The following USH2A variants were observed in gnomAD, a reference collection of about 807,000 sequenced individuals.
USH2A encodes the protein Usher syndrome 2A (autosomal recessive, mild).
USH2A carries 443 observed loss-of-function variants against 538.9 expected under a neutral mutation model. The observed-to-expected ratio is 0.82, with a 90% CI of 0.76 to 0.89. The LOEUF (loss-of-function observed/expected upper bound fraction) is 0.89. Ranked by LOEUF, USH2A falls within the 40% of genes least tolerant of loss-of-function variation. The pLI, the probability that USH2A is intolerant of heterozygous loss-of-function variation, is 0.00. For missense variants in USH2A, 6,633 were observed against 6,324.8 expected (o/e 1.05, Z -1.65); for synonymous variants, 2,413 against 2,273.5 (o/e 1.06, Z -1.75).
intron 11 of USH2A, among the ~76,000 whole-genome samples, chr1:216,258,835 T>C (rs1201581799): frequency 6.6e-6 from 1 of 152,066 alleles, no homozygotes; most frequent in African/African-American, 2.4e-5. Context: ...CAAAAAGACA[T>C]TTGGACCTGA....
At chr1:216,018,127 G>A (rs1668760853) in intron 32 of USH2A, among the ~76,000 whole-genome samples, 1 of 151,980 alleles carries the variant, frequency 6.6e-6, no homozygotes, top group South Asian at 2.1e-4. Context: ...CTGTATTATT[G>A]GGTACATTCT....
At chr1:216,133,999 T>C (rs2033430465) in intron 21 of USH2A, among the ~76,000 whole-genome samples, 3 of 152,250 alleles carry the variant, frequency 2.0e-5, no homozygotes, top group South Asian at 4.1e-4. Context: ...GGATCTATCA[T>C]GTTGCTTCTA....
At chr1:215,978,871 G>A (rs1667682751) in intron 35 of USH2A, among the ~76,000 whole-genome samples, 1 of 152,190 alleles carries the variant, frequency 6.6e-6, no homozygotes, top group Admixed American at 6.5e-5. Context: ...TGCTTCTGGT[G>A]AGGAAAATGA....
At chr1:216,010,357 C>T (rs1240078004) in intron 32 of USH2A, among the ~76,000 whole-genome samples, 1 of 152,124 alleles carries the variant, frequency 6.6e-6, no homozygotes, top group South Asian at 2.1e-4. Context: ...CCCATCTGTG[C>T]CGGACCCCAC....
chr1:216,383,866 C>CTT (rs57494312), intron 3 of USH2A, among the ~76,000 whole-genome samples: 1,563 of 134,898 alleles, frequency 0.012, 45 homozygotes, highest in African/African-American at 0.042. Flanking sequence ...TTCTTTCTTT[C>CTT]TTTTTTTTTT....
chr1:216,283,653 C>CA (rs2036827836), intron 11 of USH2A, among the ~76,000 whole-genome samples: 1 of 152,008 alleles, frequency 6.6e-6, no homozygotes, highest in Non-Finnish European at 1.5e-5. Flanking sequence ...TCTCAAATCA[C>CA]AAAAAATTGT....
Position 215,779,969 on chromosome 1 carries a change from C to T in USH2A, c.10813G>A (p.Ala3605Thr). The T allele has an allele frequency of 1.2e-6, 2 of 1,614,154 alleles. No individual in the cohort carries two copies. Among genetic ancestry groups the T allele is most frequent in the Middle Eastern group, 1.6e-4 (1 of 6,062 alleles). ...PPSITALSAVALHLSWSVPEK... is the reference protein window; with the variant it reads ...PPSITALSAVTLHLSWSVPEK... ...GGGACACTCCAGCTCAGATGCAGAGCCACTGCACTTAGGGCTGTGATGCTT... is the reference window on the plus strand; with the variant it reads ...GGGACACTCCAGCTCAGATGCAGAGTCACTGCACTTAGGGCTGTGATGCTT... The change falls in exon 55 of 72, where the codon GCT becomes ACT. Residue 3605 changes from alanine to threonine, a missense_variant. Physicochemically the swap from Ala to Thr is moderately conservative, Grantham distance 58. Coordinates refer to ENST00000307340, the MANE Select transcript of USH2A (RefSeq NM_206933.4).
rs147826031 is a variant in USH2A at position 216,286,269 on chromosome 1, T to C, written c.1971+3011A>G. 4.2e-4 allele frequency among the ~76,000 whole-genome samples: 64 copies of C among 152,278 alleles called. No individual in the cohort carries two copies. In the East Asian group the frequency reaches 0.011, roughly 27 times the overall value. On this transcript the variant is annotated intron_variant, in intron 11 of 71. Transcript: ENST00000307340. ...TTCCCCCATTCTGTTCTAATGATAG[T>C]GAATTAGTTCTCATGAAATCTGATG...
At chr1:215,756,305 A>G (rs866448051) in intron 58 of USH2A, among the ~76,000 whole-genome samples, 1 of 152,180 alleles carries the variant, frequency 6.6e-6, no homozygotes, top group Non-Finnish European at 1.5e-5. Context: ...CATAGTCATA[A>G]AATAAAGATA....
chr1:215,870,788 G>T (rs1460036312), intron 43 of USH2A, among the ~76,000 whole-genome samples: 1 of 151,940 alleles, frequency 6.6e-6, no homozygotes, highest in East Asian at 1.9e-4. Context: ...TTCACTCTAT[G>T]TATACTGTTT....
At chr1:216,225,694 A>C (rs1272941695) in intron 14 of USH2A, among the ~76,000 whole-genome samples, 2 of 152,194 alleles carry the variant, frequency 1.3e-5, no homozygotes, top group African/African-American at 2.4e-5. Context: ...AGCCCCACTC[A>C]AACTTGGGAA....
At chr1:215,970,140 C>T (rs1558187857) in intron 36 of USH2A, among the ~76,000 whole-genome samples, 2 of 152,134 alleles carry the variant, frequency 1.3e-5, no homozygotes. Context: ...AAATACCATT[C>T]TTATGAAGCT....
chr1:215,792,483 A>G (rs1662008391), intron 50 of USH2A, among the ~76,000 whole-genome samples: 1 of 152,218 alleles, frequency 6.6e-6, no homozygotes, highest in Non-Finnish European at 1.5e-5. Context: ...TTGCACAGAT[A>G]AACTGTGACA....
At chr1:215,710,901 AAG>A (rs1659321747) in intron 61 of USH2A, among the ~76,000 whole-genome samples, 1 of 152,068 alleles carries the variant, frequency 6.6e-6, no homozygotes, top group Non-Finnish European at 1.5e-5. Flanking sequence ...AATAAGAAAT[AAG>A]AAATTTCTTA....
intron 3 of USH2A, among the ~76,000 whole-genome samples, chr1:216,404,480 A>T (rs1266802837): frequency 6.6e-6 from 1 of 152,180 alleles, no homozygotes; most frequent in East Asian, 1.9e-4. Flanking sequence ...AATATCTTCT[A>T]CTAATTTTTG....
intron 11 of USH2A, among the ~76,000 whole-genome samples, chr1:216,287,053 A>G (rs6667120): frequency 0.59 from 90,447 of 152,050 alleles, 28,544 homozygotes; most frequent in East Asian, 0.75. Context: ...GCAAAATTTT[A>G]GCAAATAAAA....
chr1:216,006,051 A>G (rs557028374), intron 32 of USH2A, among the ~76,000 whole-genome samples: 1 of 152,094 alleles, frequency 6.6e-6, no homozygotes, highest in South Asian at 2.1e-4. Context: ...GCATTGGCTC[A>G]GTTTTCTTTT....
chr1:216,314,797 A>ATAAG, intron 9 of USH2A, among the ~76,000 whole-genome samples: 1 of 152,338 alleles, frequency 6.6e-6, no homozygotes, highest in African/African-American at 2.4e-5. Context: ...TAAAAGGGTC[A>ATAAG]TAAGTTAGAG....
chr1:216,398,694 T>C (rs150489799), intron 3 of USH2A, among the ~76,000 whole-genome samples: 1 of 152,170 alleles, frequency 6.6e-6, no homozygotes, highest in Admixed American at 6.5e-5. Context: ...CCTTTCACAG[T>C]GGTGTTGACA....
Sources: gnomAD v4.1 joint callset for allele counts (sites outside exome capture counted in the v4.1 genomes callset) on GRCh38, gnomAD v4.1.1 for gene constraint, MANE v1.5 for transcripts, NCBI Gene and HGNC (gene_info 2026-07-23, HGNC 2026-07-21) for gene names.